AOPEP: variants seen among roughly 807,000 people sequenced by gnomAD.
The protein encoded by AOPEP is aminopeptidase O (putative), also known as aminopeptidase O.
A neutral mutation model predicts 98.1 loss-of-function variants in AOPEP; 77 were observed. The observed-to-expected ratio is 0.78, with a 90% CI of 0.65 to 0.95. The LOEUF is 0.95. Among genes scored for constraint, AOPEP ranks in the 40% least tolerant of loss-of-function variants. The probability of loss-of-function intolerance (pLI) is 0.00; values close to 1 mark genes in which losing one functional copy is unlikely to be tolerated. For missense variants in AOPEP, 1,024 were observed against 1,024.7 expected, an observed-to-expected ratio of 1.00 and a Z score of 0.01; for synonymous variants, 346 against 365.3, an observed-to-expected ratio of 0.95 and a Z score of 0.60.
At chr9:94,816,155 A>G (rs2134073481) in intron 5 of AOPEP, among the ~76,000 whole-genome samples, 1 of 152,220 alleles carries the variant, frequency 6.6e-6, no homozygotes, top group Non-Finnish European at 1.5e-5. Context: ...CCACTAACCA[A>G]ATTGCCATAC....
intron 5 of AOPEP, among the ~76,000 whole-genome samples, chr9:94,907,575 C>A (rs2051344886): frequency 6.6e-6 from 1 of 152,108 alleles, no homozygotes; most frequent in South Asian, 2.1e-4. Context: ...CCTTTACACA[C>A]ATGCATGTGT....
intron 2 of AOPEP, among the ~76,000 whole-genome samples, chr9:94,769,058 G>A (rs933766999): frequency 6.6e-6 from 1 of 152,250 alleles, no homozygotes; most frequent in African/African-American, 2.4e-5. Context: ...GCAGGGAATT[G>A]GCCCTCCATA....
intron 1 of AOPEP, among the ~76,000 whole-genome samples, chr9:94,756,846 C>G (rs946444774): frequency 2.0e-5 from 3 of 151,916 alleles, no homozygotes; most frequent in African/African-American, 7.3e-5. Context: ...AGGGAGGCTA[C>G]CCCCCGTTCT....
chr9:95,134,688 G>A, the AOPEP span, among the ~76,000 whole-genome samples: 2 of 152,236 alleles, frequency 1.3e-5, no homozygotes, highest in African/African-American at 4.8e-5. Flanking sequence ...ATCCCACAGA[G>A]CTGCCTCCCA....
At chr9:94,933,614 G>C in intron 7 of AOPEP, 1 of 985,334 alleles carries the variant, frequency 1.0e-6, no homozygotes, top group Non-Finnish European at 1.2e-6. Flanking sequence ...CTTAATAATA[G>C]GGGGAAAACC....
intron 5 of AOPEP, among the ~76,000 whole-genome samples, chr9:94,860,305 ATCATAAGGGCG>A (rs2044769009): frequency 6.6e-6 from 1 of 152,150 alleles, no homozygotes; most frequent in Non-Finnish European, 1.5e-5. Context: ...GATTGGCAGC[ATCATAAGGGCG>A]TCAGACCAAG....
intron 5 of AOPEP, among the ~76,000 whole-genome samples, chr9:94,893,627 C>G (rs778602654): frequency 1.3e-5 from 2 of 152,032 alleles, no homozygotes; most frequent in Non-Finnish European, 2.9e-5. Context: ...AGAGGCTTTC[C>G]AGAGCCAGTT....
chr9:94,970,007 G>T (rs2059439589), intron 10 of AOPEP, among the ~76,000 whole-genome samples: 1 of 152,182 alleles, frequency 6.6e-6, no homozygotes. Flanking sequence ...AGGTGGAGGA[G>T]ATGACATGCA....
chr9:95,014,207 C>G (rs1466331699), intron 13 of AOPEP, among the ~76,000 whole-genome samples: 1 of 152,124 alleles, frequency 6.6e-6, no homozygotes, highest in Non-Finnish European at 1.5e-5. Context: ...TGGCTCACGC[C>G]TGTAATCCCA....
chr9:94,828,903 C>G (rs7031518), intron 5 of AOPEP, among the ~76,000 whole-genome samples: 116,849 of 150,732 alleles, frequency 0.78, 46,971 homozygotes, highest in Non-Finnish European at 0.89. Context: ...GAGGCTTGCT[C>G]TGTTGTCCAG....
At chr9:94,898,714 C>T (rs1318414516) in intron 5 of AOPEP, among the ~76,000 whole-genome samples, 5 of 150,314 alleles carry the variant, frequency 3.3e-5, no homozygotes, top group South Asian at 2.1e-4. Flanking sequence ...GAGGCCGAGG[C>T]GGGTGGATCA....
intron 3 of AOPEP, among the ~76,000 whole-genome samples, chr9:94,787,458 TCATCTTG>T (rs1844683757): frequency 6.6e-6 from 1 of 152,206 alleles, no homozygotes; most frequent in South Asian, 2.1e-4. Context: ...TCCACAAGTA[TCATCTTG>T]CCCATGGACT....
At chr9:95,054,432 G>T (rs1330628087) in intron 13 of AOPEP, among the ~76,000 whole-genome samples, 1 of 152,128 alleles carries the variant, frequency 6.6e-6, no homozygotes, top group Non-Finnish European at 1.5e-5. Flanking sequence ...TTGACCAGAG[G>T]ATTGCATGTT....
intron 11 of AOPEP, among the ~76,000 whole-genome samples, chr9:94,985,200 G>A (rs993025642): frequency 2.0e-5 from 3 of 152,254 alleles, no homozygotes; most frequent in Non-Finnish European, 4.4e-5. Context: ...CCAGAAATAG[G>A]CAGAAAGCAA....
At chr9:94,929,391 C>T (rs952445229) in intron 7 of AOPEP, among the ~76,000 whole-genome samples, 2 of 152,246 alleles carry the variant, frequency 1.3e-5, no homozygotes, top group African/African-American at 2.4e-5. Flanking sequence ...ACCCCCACTT[C>T]GCCTGACTGT....
At chr9:94,856,901 A>G (rs1193305083) in intron 5 of AOPEP, among the ~76,000 whole-genome samples, 1 of 152,224 alleles carries the variant, frequency 6.6e-6, no homozygotes, top group South Asian at 2.1e-4. Flanking sequence ...CAGTACTAGA[A>G]GAGGGTCTAA....
At chr9:94,928,766 G>C in intron 7 of AOPEP, 1 of 462,408 alleles carries the variant, frequency 2.2e-6, no homozygotes, top group South Asian at 2.6e-5. Flanking sequence ...GGCCATTTCC[G>C]GGGGTCAGAT....
intron 5 of AOPEP, among the ~76,000 whole-genome samples, chr9:94,836,875 A>G (rs2041665596): frequency 6.6e-6 from 1 of 152,026 alleles, no homozygotes; most frequent in Non-Finnish European, 1.5e-5. Context: ...AATATTTTGT[A>G]TGGTGCGAGG....
In AOPEP at chr9:94,839,211, G is replaced by A. The variant is rs181939683; in HGVS notation, c.1364+38209G>A. 6.6e-3 allele frequency among the ~76,000 whole-genome samples: 999 copies of A among 151,576 alleles called. 15 individuals carry two copies. The highest frequency in any genetic ancestry group is 0.023 in the African/African-American group (944 of 41,298). ...CGCCATTCTCCTGCCTCAGCCTCCCGAGTAGGTGGGACTACAGGCGCCCAC... is the reference window on the plus strand; with the variant it reads ...CGCCATTCTCCTGCCTCAGCCTCCCAAGTAGGTGGGACTACAGGCGCCCAC... On this transcript the variant is annotated intron_variant, in intron 5 of 16. Coordinates refer to ENST00000375315, the MANE Select transcript of AOPEP (RefSeq NM_001193329.3).
Sources: gnomAD v4.1 joint callset for allele counts (sites outside exome capture counted in the v4.1 genomes callset) on GRCh38, gnomAD v4.1.1 for gene constraint, MANE v1.5 for transcripts, NCBI Gene and HGNC (gene_info 2026-07-23, HGNC 2026-07-21) for gene names.